KASH5: variants seen among roughly 807,000 people sequenced by gnomAD.
KASH5 encodes KASH domain containing 5.
A neutral mutation model predicts 84.2 loss-of-function variants in KASH5; 72 were observed. The ratio of observed to expected loss-of-function variants is 0.85; its 90% CI spans 0.71 to 1.04. KASH5 has a LOEUF of 1.04. Ranked by LOEUF, KASH5 falls within the 50% of genes least tolerant of loss-of-function variation. The pLI, the probability that KASH5 is intolerant of heterozygous loss-of-function variation, is 0.00. For missense variants in KASH5, 650 were observed against 701.0 expected (o/e 0.93, Z 0.82); for synonymous variants, 260 against 279.1 (o/e 0.93, Z 0.68).
At chr19:49,390,715 G>T (rs1033078599) in intron 1 of KASH5, 74 bp from the exon 2 acceptor site, 9 of 647,944 alleles carry the variant, frequency 1.4e-5, no homozygotes, top group East Asian at 3.2e-5. Context: ...AGGTCCTGGG[G>T]CACAGGTGGG....
chr19:49,415,463 T>A (rs1297578322), intron 17 of KASH5: 1 of 218,116 alleles, frequency 4.6e-6, no homozygotes. Context: ...GGGGTTAAGA[T>A]TTCCATTCTC....
intron 9 of KASH5, among the ~76,000 whole-genome samples, chr19:49,403,394 G>A (rs1368544019): frequency 2.0e-5 from 3 of 148,822 alleles, no homozygotes; most frequent in Non-Finnish European, 4.5e-5. Flanking sequence ...AAGGGGGGGG[G>A]CAGCCAGGAA....
In KASH5 at chr19:49,409,199, A is replaced by G; in HGVS notation, c.1062A>G (p.Leu354=). 1 of 1,613,358 alleles carries G rather than the reference A, an allele frequency of 6.2e-7. No individual in the cohort carries two copies. The highest frequency in any genetic ancestry group is 2.2e-5 in the East Asian group (1 of 44,852). Residue 354 remains leucine (L), a synonymous_variant, in exon 14 of 20, where the codon CTA becomes CTG. Coordinates refer to ENST00000447857, the MANE Select transcript of KASH5 (RefSeq NM_144688.5). ...TCCCTCCTTCCTGTGTGGCCAGGCT[A>G]CCTGAAGGGGCCCAGCTGAGAAGAG... ...LSQTYEGPDE[L]PEGAQLRRVG...
At chr19:49,396,946 C>T (rs752237882) in intron 5 of KASH5, among the ~76,000 whole-genome samples, 11 of 151,640 alleles carry the variant, frequency 7.3e-5, no homozygotes, top group African/African-American at 2.2e-4. Flanking sequence ...TGGTCCTAGC[C>T]GGGACACTGA....
intron 15 of KASH5, among the ~76,000 whole-genome samples, chr19:49,411,959 GGAAGGAAGGAAGGAAA>G (rs1291942463): frequency 4.2e-5 from 6 of 142,298 alleles, no homozygotes; most frequent in South Asian, 4.3e-4. Context: ...AAGGAAGGAA[GGAAGGAAGGAAGGAAA>G]GAAGGAAGCC....
In KASH5 at chr19:49,390,940, AC is replaced by A. The variant is rs1160722992; in HGVS notation, c.43+17del. 1.2e-6 allele frequency: 2 copies of A among 1,605,118 alleles called. No homozygotes were observed. On this transcript the variant is annotated intron_variant, in intron 2 of 19. Transcript: ENST00000447857. The stretch of plus-strand genomic sequence containing the variant: ...CCACTGCGGAAAGTAAGTGGCTGGA[AC>A]CCTATTTGCCCCGGGGAGGGTGAGG...
chr19:49,402,587 A>G (rs2122158606), intron 9 of KASH5, among the ~76,000 whole-genome samples: 1 of 151,960 alleles, frequency 6.6e-6, no homozygotes, highest in Middle Eastern at 3.4e-3. Context: ...GGCGTCTGTA[A>G]TCCCAGCTAC....
At position 49,399,283 on chromosome 19, in the gene KASH5, C is replaced by G; in HGVS notation, c.747+141C>G. ...CTCTCCAGGCCCTGCTCACCCTAGA[C>G]TTTTTCAAGCTTACCTGCCATCCTT... is the stretch of plus-strand genomic sequence containing the variant. On this transcript the variant is annotated intron_variant, in intron 8 of 19. Transcript: ENST00000447857. This position sits in a 1 kb window ranked among gnomAD's most constrained non-coding sequence, Gnocchi z 4.4. 1.1e-6 allele frequency: 1 copy of G among 948,774 alleles called. No individual in the cohort carries two copies. The allele number at this position is 948,774 out of a possible 1,614,324, so 58.8% of individuals were successfully genotyped here.
chr19:49,408,551 C>T (rs935333476), intron 12 of KASH5, among the ~76,000 whole-genome samples: 4 of 151,804 alleles, frequency 2.6e-5, no homozygotes, highest in Non-Finnish European at 5.9e-5. Flanking sequence ...TGGGTTCAAG[C>T]GATTCTCCTG....
At chr19:49,393,682 C>CGT (rs34539350) in intron 2 of KASH5, 23,724 of 142,418 alleles carry the variant, frequency 0.17, 1,996 homozygotes, top group East Asian at 0.25. Flanking sequence ...GACCCCAGGA[C>CGT]GTGTGTGTGT....
intron 10 of KASH5, 57 bp downstream of exon 10, chr19:49,407,020 AT>A (rs1974548550): frequency 6.6e-7 from 1 of 1,520,740 alleles, no homozygotes; most frequent in East Asian, 2.4e-5. Context: ...CATTTTTCCC[AT>A]TTCCGGTTTT....
chr19:49,412,407 T>C lies in KASH5; in HGVS notation c.1270-561T>C, dbSNP rs1974749190. ...CTTGTGACCTTGTGAGGTGAAATCT[T>C]GAGGGATGTCTGGGGGCTGCCTGGA... On this transcript the variant is annotated intron_variant, in intron 15 of 19. Coordinates refer to ENST00000447857, the MANE Select transcript of KASH5 (RefSeq NM_144688.5). This position sits in a 1 kb window ranked among gnomAD's most constrained non-coding sequence, Gnocchi z 4.6. 6.6e-6 allele frequency among the ~76,000 whole-genome samples: 1 copy of C among 152,090 alleles called. No homozygotes were observed. Among genetic ancestry groups the C allele is most frequent in the Non-Finnish European group, 1.5e-5 (1 of 67,994 alleles).
rs1461859833 is a variant in KASH5, at chr19:49,414,944, C to T, written c.1329-7C>T. The T allele has an allele frequency of 6.2e-7, 1 of 1,612,118 alleles. No individual in the cohort carries two copies. Among genetic ancestry groups the T allele is most frequent in the Non-Finnish European group, 8.5e-7 (1 of 1,179,216 alleles). ...ACGAAGCCAGCAGTGACTTTGTTGGCCCTCAGGTTGACCAGAAGAGAGGAA... is the reference window on the plus strand; with the variant it reads ...ACGAAGCCAGCAGTGACTTTGTTGGTCCTCAGGTTGACCAGAAGAGAGGAA... On this transcript the variant is annotated splice_polypyrimidine_tract_variant and splice_region_variant and intron_variant, in intron 16 of 19. Transcript: ENST00000447857. This position sits in a 1 kb window ranked among gnomAD's most constrained non-coding sequence, Gnocchi z 4.5.
In KASH5 at chr19:49,395,344, C is replaced by T. The variant is rs1420823908; in HGVS notation, c.335+52C>T. 7.0e-6 allele frequency: 11 copies of T among 1,567,210 alleles called. No individual in the cohort carries two copies. The East Asian group carries it at 2.5e-4, about 35-fold the overall frequency. On this transcript the variant is annotated intron_variant, in intron 4 of 19. Transcript: ENST00000447857. The surrounding 1 kb of genome is among the most constrained non-coding windows in gnomAD (Gnocchi z 4.4). ...CTGGGAAGTCCTTCCTAAGATCTAA[C>T]CTCATACCTGCTTACTGGAGCCAGC...
intron 9 of KASH5, among the ~76,000 whole-genome samples, chr19:49,405,409 A>G (rs1237320656): frequency 6.6e-6 from 1 of 151,016 alleles, no homozygotes; most frequent in Non-Finnish European, 1.5e-5. Context: ...GTGAGCCGAG[A>G]TCACGCCATT....
intron 9 of KASH5, among the ~76,000 whole-genome samples, chr19:49,403,819 G>T (rs569965472): frequency 6.6e-6 from 1 of 152,158 alleles, no homozygotes; most frequent in African/African-American, 2.4e-5. Flanking sequence ...GGACACCCTC[G>T]GCCCTCGATA....
intron 7 of KASH5, 64 bp from the exon 8 acceptor site, chr19:49,398,961 C>A: frequency 8.0e-7 from 1 of 1,253,790 alleles, no homozygotes; most frequent in Non-Finnish European, 1.1e-6. Context: ...CAGAATGGAT[C>A]TGTCTCTGTG....
chr19:49,395,696 TC>T lies in KASH5; in HGVS notation c.336-68del. 6.8e-7 allele frequency: 1 copy of T among 1,459,874 alleles called. No homozygotes were observed. The allele number at this position is 1,459,874 out of a possible 1,614,324, so 90.4% of individuals were successfully genotyped here. ...CCCGGTCCCCTCCTCCCACCTGCAA[TC>T]CCCCTGCCTGTGGCTGGTGAGGACT... On this transcript the variant is annotated intron_variant, in intron 4 of 19. Coordinates refer to ENST00000447857, the MANE Select transcript of KASH5 (RefSeq NM_144688.5). This position sits in a 1 kb window ranked among gnomAD's most constrained non-coding sequence, Gnocchi z 4.4.
At position 49,390,829 on chromosome 19, in the gene KASH5, T is replaced by A; in HGVS notation, c.-55T>A. 3.9e-6 allele frequency: 6 copies of A among 1,538,662 alleles called. No individual in the cohort carries two copies. Among genetic ancestry groups the A allele is most frequent in the Non-Finnish European group, 5.3e-6 (6 of 1,137,366 alleles). On this transcript the variant is annotated 5_prime_UTR_variant, in exon 2 of 20. The change abolishes an upstream ATG in the 5' untranslated region. Transcript: ENST00000447857. Reference sequence around the variant, plus strand: ...CTGGTCCTTTTCCCATCCCTCCCCATGAAGGAGGGAGGCTGGTAGCTTTGC... The same window carrying A: ...CTGGTCCTTTTCCCATCCCTCCCCAAGAAGGAGGGAGGCTGGTAGCTTTGC...
Sources: gnomAD v4.1 joint callset for allele counts (sites outside exome capture counted in the v4.1 genomes callset) on GRCh38, gnomAD v4.1.1 for gene constraint, Gnocchi (gnomAD v3.1) non-coding constraint, MANE v1.5 for transcripts, NCBI Gene and HGNC (gene_info 2026-07-23, HGNC 2026-07-21) for gene names.